The following JAZF1 variants were observed in gnomAD, a reference collection of about 807,000 sequenced individuals.
The protein encoded by JAZF1 is JAZF zinc finger 1.
In JAZF1, 8 loss-of-function variants were observed where a neutral mutation model predicts 26.4. The observed-to-expected ratio is 0.30, with a 90% CI of 0.18 to 0.55. The LOEUF (loss-of-function observed/expected upper bound fraction) is 0.55, where lower values mean the gene tolerates loss of function less well. Among genes scored for constraint, JAZF1 ranks in the 20% least tolerant of loss-of-function variants. The probability of loss-of-function intolerance (pLI) is 0.94; values close to 1 mark genes in which losing one functional copy is unlikely to be tolerated. For missense variants in JAZF1, 199 were observed against 322.0 expected (o/e 0.62, Z 2.92); for synonymous variants, 126 against 122.3 (o/e 1.03, Z -0.20).
chr7:27,968,136 G>A (rs1487478332), intron 2 of JAZF1, among the ~76,000 whole-genome samples: 1 of 152,214 alleles, frequency 6.6e-6, no homozygotes, highest in Non-Finnish European at 1.5e-5. Flanking sequence ...ACTAACACAT[G>A]CAGTAATATG....
At chr7:28,093,080 A>C (rs940955987) in intron 1 of JAZF1, among the ~76,000 whole-genome samples, 1 of 152,190 alleles carries the variant, frequency 6.6e-6, no homozygotes, top group African/African-American at 2.4e-5. Context: ...TGATGTTTTA[A>C]TACTTCAGTG....
Position 28,139,785 on chromosome 7 carries a change from G to A in JAZF1, c.115+40678C>T, listed in dbSNP as rs138059792. Among the ~76,000 whole-genome samples the A allele has an allele frequency of 3.7e-3, 558 of 152,312 alleles. 1 individual carries two copies. The highest frequency in any genetic ancestry group is 0.01 in the Middle Eastern group (3 of 294). On this transcript the variant is annotated intron_variant, in intron 1 of 4. Coordinates refer to ENST00000283928, the MANE Select transcript of JAZF1 (RefSeq NM_175061.4). Reference sequence around the variant, plus strand: ...ATTCGTTCATTTAATCACATTTACTGAGGATCCACTAAACGACTAGGCCTT... The same window carrying A: ...ATTCGTTCATTTAATCACATTTACTAAGGATCCACTAAACGACTAGGCCTT...
chr7:27,897,156 GC>G (rs1181985887), intron 2 of JAZF1, among the ~76,000 whole-genome samples: 1 of 152,084 alleles, frequency 6.6e-6, no homozygotes, highest in Non-Finnish European at 1.5e-5. Context: ...TATGCAGTGC[GC>G]CAGGGAGTGG....
At chr7:27,912,797 T>C (rs12531234) in intron 2 of JAZF1, among the ~76,000 whole-genome samples, 36,692 of 151,906 alleles carry the variant, frequency 0.24, 4,911 homozygotes, top group Middle Eastern at 0.3. Context: ...ATTCTGGGAA[T>C]TAAAATGCAG....
intron 3 of JAZF1, among the ~76,000 whole-genome samples, chr7:27,844,953 C>T (rs1782990215): frequency 1.3e-5 from 2 of 152,188 alleles, no homozygotes; most frequent in Non-Finnish European, 2.9e-5. Context: ...GTCGTTAGGT[C>T]CTGTCTAAAC....
intron 2 of JAZF1, among the ~76,000 whole-genome samples, chr7:27,912,125 C>G (rs758165075): frequency 1.3e-5 from 2 of 152,108 alleles, no homozygotes; most frequent in African/African-American, 2.4e-5. Flanking sequence ...ATAAGTAGCT[C>G]AAATTCCATT....
chr7:28,063,309 AT>A (rs1246808106), intron 1 of JAZF1, among the ~76,000 whole-genome samples: 1 of 152,236 alleles, frequency 6.6e-6, no homozygotes, highest in African/African-American at 2.4e-5. Context: ...GCGTTTAAAA[AT>A]ATAGATCATT....
At chr7:27,977,525 C>T (rs1408307204) in intron 2 of JAZF1, among the ~76,000 whole-genome samples, 2 of 152,154 alleles carry the variant, frequency 1.3e-5, no homozygotes, top group Non-Finnish European at 1.5e-5. Flanking sequence ...TGTTTCTATA[C>T]TGGCTGGGCT....
At chr7:28,128,730 T>A (rs1782740776) in intron 1 of JAZF1, among the ~76,000 whole-genome samples, 1 of 152,210 alleles carries the variant, frequency 6.6e-6, no homozygotes, top group African/African-American at 2.4e-5. Context: ...TTGCTGAGTT[T>A]ATACTTAGCA....
chr7:27,942,770 A>G (rs1784868784), intron 2 of JAZF1, among the ~76,000 whole-genome samples: 1 of 152,214 alleles, frequency 6.6e-6, no homozygotes, highest in South Asian at 2.1e-4. Context: ...CCACACCGTT[A>G]TGTGGCACTC....
At chr7:27,986,768 G>A (rs1583494051) in intron 2 of JAZF1, among the ~76,000 whole-genome samples, 2 of 151,890 alleles carry the variant, frequency 1.3e-5, no homozygotes, top group African/African-American at 4.8e-5. Flanking sequence ...TGATTCTCCT[G>A]CCTCAGCCTG....
At chr7:28,031,549 G>A (rs1452505102) in intron 1 of JAZF1, among the ~76,000 whole-genome samples, 3 of 152,144 alleles carry the variant, frequency 2.0e-5, no homozygotes, top group Non-Finnish European at 2.9e-5. Context: ...CCTGCAGAGC[G>A]TACCATTTGT....
intron 3 of JAZF1, chr7:27,841,673 A>T (rs1237687431): frequency 1.9e-4 from 29 of 152,194 alleles, no homozygotes; most frequent in Admixed American, 1.9e-3. Context: ...CTCTGCTGAG[A>T]ATCGAATTGA....
intron 1 of JAZF1, among the ~76,000 whole-genome samples, chr7:28,093,268 G>C (rs985497781): frequency 2.0e-5 from 3 of 152,110 alleles, no homozygotes; most frequent in Non-Finnish European, 2.9e-5. Flanking sequence ...CCCCCATACT[G>C]TTCTCGTGGC....
intron 1 of JAZF1, among the ~76,000 whole-genome samples, chr7:28,000,084 G>A (rs1382507486): frequency 2.6e-5 from 4 of 152,166 alleles, no homozygotes; most frequent in South Asian, 2.1e-4. Context: ...AACAGCATAG[G>A]GGAGAGGTCT....
intron 2 of JAZF1, among the ~76,000 whole-genome samples, chr7:27,982,386 G>A (rs531158450): frequency 6.2e-4 from 94 of 152,248 alleles, no homozygotes; most frequent in South Asian, 1.2e-3. Flanking sequence ...ACAGCAAGGC[G>A]GCAGCGAGGC....
At chr7:28,175,933 A>T (rs904378878) in intron 1 of JAZF1, among the ~76,000 whole-genome samples, 21 of 152,360 alleles carry the variant, frequency 1.4e-4, no homozygotes, top group African/African-American at 4.8e-4. Context: ...TTGAGAAGAT[A>T]ATGCAAATAT....
At chr7:27,940,480 C>A (rs926028546) in intron 2 of JAZF1, among the ~76,000 whole-genome samples, 2 of 152,208 alleles carry the variant, frequency 1.3e-5, no homozygotes, top group African/African-American at 4.8e-5. Flanking sequence ...GATGCCGTCT[C>A]AGCAGTCAGC....
At chr7:27,916,703 C>T (rs1471995046) in intron 2 of JAZF1, among the ~76,000 whole-genome samples, 1 of 152,152 alleles carries the variant, frequency 6.6e-6, no homozygotes, top group East Asian at 1.9e-4. Flanking sequence ...GCTCAAAATG[C>T]AAACAACATG....
Sources: allele counts gnomAD v4.1 joint callset (sites outside exome capture counted in the v4.1 genomes callset), GRCh38; gene constraint gnomAD v4.1.1; transcripts MANE v1.5; gene names NCBI Gene and HGNC (gene_info 2026-07-23, HGNC 2026-07-21).